PHAF1: variants seen among roughly 807,000 people sequenced by gnomAD.
PHAF1 encodes phagosome assembly factor 1.
A neutral mutation model predicts 63.1 loss-of-function variants in PHAF1; 23 were observed. That is an observed-to-expected ratio of 0.36 (90% confidence interval 0.26 to 0.52). The LOEUF is 0.52. PHAF1 is among the 20% of genes least tolerant of loss of function. The pLI is 0.93. For synonymous variants in PHAF1, 167 were observed against 185.0 expected (o/e 0.90, Z 0.79); for missense variants, 427 against 517.2 (o/e 0.83, Z 1.69).
rs2030044825 is a variant in PHAF1 at position 67,146,179 on chromosome 16, A to G, written c.1110-99A>G. 10 of 1,050,614 alleles carry G rather than the reference A, an allele frequency of 9.5e-6. No homozygotes were observed. The South Asian group carries it at 1.3e-4, about 13-fold the overall frequency. 65.1% of individuals were successfully genotyped at this position (1,050,614 alleles called of 1,614,324 possible). A position where few individuals can be genotyped will look rare whatever the true frequency, so the allele number is the denominator to read the frequency against. ...AGACAGACACTCACAGCCATGAGAG[A>G]CTACTGGCCAGTATCCCATACCCCA... On this transcript the variant is annotated intron_variant, in intron 14 of 15. Transcript: ENST00000219139.
chr16:67,120,037 C>G, intron 1 of PHAF1, 75 bp from the exon 2 acceptor site: 1 of 1,256,276 alleles, frequency 8.0e-7, no homozygotes, highest in South Asian at 1.3e-5. Flanking sequence ...CTGCAGGGAC[C>G]AGTGCCTAGT....
At chr16:67,113,950 G>A (rs1420737125) in intron 1 of PHAF1, among the ~76,000 whole-genome samples, 5 of 151,804 alleles carry the variant, frequency 3.3e-5, no homozygotes, top group African/African-American at 7.3e-5. Context: ...TGATCCTCCC[G>A]TCTCGGCTCC....
rs750308105 is a variant in PHAF1, at chr16:67,117,199, A to ATTTT, written c.65-2893_65-2890dup. On this transcript the variant is annotated intron_variant, in intron 1 of 15. Transcript: ENST00000219139. ...AGGCACACACCACCATGCCCAGCTA[A>ATTTT]TTTTTTTTTTTTTTTTTTTTTTTGT... Among the ~76,000 whole-genome samples, 104 of 111,948 alleles carry ATTTT rather than the reference A, an allele frequency of 9.3e-4. 1 individual carries two copies. Among genetic ancestry groups the ATTTT allele is most frequent in the African/African-American group, 3.9e-3 (97 of 25,112 alleles). 73.4% of individuals were successfully genotyped at this position (111,948 alleles called of 152,430 possible).
chr16:67,124,877 T>C (rs990382490), intron 2 of PHAF1, among the ~76,000 whole-genome samples: 1 of 146,724 alleles, frequency 6.8e-6, no homozygotes, highest in African/African-American at 2.5e-5. Context: ...CACTCCAGCC[T>C]GGGCAACAGA....
At chr16:67,140,702 GA>G (rs1402658742) in intron 10 of PHAF1, 108 bp downstream of exon 10, 3 of 898,660 alleles carry the variant, frequency 3.3e-6, no homozygotes. Flanking sequence ...GGACATTGGG[GA>G]ACCTAGCCCC....
chr16:67,134,368 C>G lies in PHAF1; in HGVS notation c.562C>G (p.Pro188Ala). The G allele has an allele frequency of 1.2e-6, 2 of 1,613,814 alleles. No homozygotes were observed. Among genetic ancestry groups the G allele is most frequent in the Non-Finnish European group, 1.7e-6 (2 of 1,179,706 alleles). Residue 188 changes from proline to alanine, a missense_variant, in exon 8 of 16, where the codon CCT (proline) becomes GCT (alanine). Physicochemically the swap from Pro to Ala is conservative, Grantham distance 27 (BLOSUM62 -1). Coordinates refer to ENST00000219139, the MANE Select transcript of PHAF1 (RefSeq NM_025187.5). ...SLQDTKAPMM[P>A]LSCFLGNVYA... ...GTCTGTCCCCAGGGCTCCCATGATGCCTCTGAGCTGTTTCCTGGGCAATGT... is the reference window on the plus strand; with the variant it reads ...GTCTGTCCCCAGGGCTCCCATGATGGCTCTGAGCTGTTTCCTGGGCAATGT...
intron 14 of PHAF1, 111 bp from the exon 15 acceptor site, chr16:67,146,167 C>A: frequency 1.0e-6 from 1 of 974,308 alleles, no homozygotes; most frequent in Non-Finnish European, 1.7e-6. Context: ...CAGACACTCA[C>A]AGCCATGAGA....
At chr16:67,125,896 C>A in intron 2 of PHAF1, 63 bp from the exon 3 acceptor site, 2 of 1,177,066 alleles carry the variant, frequency 1.7e-6, no homozygotes, top group Non-Finnish European at 2.5e-6. Flanking sequence ...TATTGTAAGG[C>A]TTTCAGTAGG....
chr16:67,145,320 G>T, intron 12 of PHAF1, 56 bp from the exon 13 acceptor site: 1 of 1,596,172 alleles, frequency 6.3e-7, no homozygotes, highest in South Asian at 1.1e-5. Flanking sequence ...CCTAGGGCTG[G>T]GGCCACAGGT....
At chr16:67,143,451 C>T (rs1963880734) in intron 10 of PHAF1, among the ~76,000 whole-genome samples, 1 of 152,138 alleles carries the variant, frequency 6.6e-6, no homozygotes. Context: ...GCCTTGGCCT[C>T]CCAAAGTCCT....
chr16:67,122,297 G>A (rs1963011382), intron 2 of PHAF1, among the ~76,000 whole-genome samples: 1 of 152,138 alleles, frequency 6.6e-6, no homozygotes, highest in Admixed American at 6.5e-5. Flanking sequence ...AATATCTTCT[G>A]AGCAACTTTA....
At chr16:67,118,219 C>T (rs370454397) in intron 1 of PHAF1, among the ~76,000 whole-genome samples, 1 of 149,622 alleles carries the variant, frequency 6.7e-6, no homozygotes, top group African/African-American at 2.5e-5. Flanking sequence ...GTGATCTGCC[C>T]TCCTCGGCCT....
Position 67,147,401 on chromosome 16 carries a change from A to G in PHAF1, c.*270A>G. 1 of 468,536 alleles carries G rather than the reference A, an allele frequency of 2.1e-6. No homozygotes were observed. The highest frequency in any genetic ancestry group is 3.8e-6 in the Non-Finnish European group (1 of 262,038). 29.0% of individuals were successfully genotyped at this position (468,536 alleles called of 1,614,324 possible). A position where few individuals can be genotyped will look rare whatever the true frequency, so the allele number is the denominator to read the frequency against. On this transcript the variant is annotated 3_prime_UTR_variant, in exon 16 of 16. Transcript: ENST00000219139. Reference sequence around the variant, plus strand: ...TTGAGCCTTGATTCCTGGACCCAGGAGCTCTCAACTAACAAGGAGGCAGGA... The same window carrying G: ...TTGAGCCTTGATTCCTGGACCCAGGGGCTCTCAACTAACAAGGAGGCAGGA...
In PHAF1 at chr16:67,145,394, CAG is replaced by C. The variant is rs2029960743; in HGVS notation, c.1027_1028del (p.Glu343AsnfsTer51). 1 of 1,614,076 alleles carries C rather than the reference CAG, an allele frequency of 6.2e-7. No homozygotes were observed. The highest frequency in any genetic ancestry group is 8.5e-7 in the Non-Finnish European group (1 of 1,180,030). On this transcript the variant is annotated frameshift_variant, in exon 13 of 16. Transcript: ENST00000219139. LOFTEE classifies it high-confidence loss of function. ...TTTTCAGAAAACGCAGATGGTCAGA[CAG>C]AAACATGCACGACCTACAGCAAGGT...
chr16:67,134,517 A>G (rs556798418), intron 8 of PHAF1, 50 bp downstream of exon 8: 1 of 1,459,862 alleles, frequency 6.8e-7, no homozygotes. Context: ...ACCCATGTTG[A>G]GACAGTCTAA....
intron 1 of PHAF1, among the ~76,000 whole-genome samples, chr16:67,114,386 G>A (rs1962654438): frequency 1.3e-5 from 2 of 151,548 alleles, no homozygotes; most frequent in South Asian, 4.2e-4. Context: ...ATTCCCTGAA[G>A]AGCTTAGTCT....
chr16:67,110,261 A>T (rs200363425), intron 1 of PHAF1, 22 bp downstream of exon 1: 1 of 1,551,280 alleles, frequency 6.4e-7, no homozygotes, highest in East Asian at 2.4e-5. Context: ...GTCCTCTGTC[A>T]GGACCCCATT....
intron 2 of PHAF1, among the ~76,000 whole-genome samples, chr16:67,125,181 C>G (rs778051078): frequency 6.6e-6 from 1 of 152,116 alleles, no homozygotes. Flanking sequence ...TGAAAGTATT[C>G]CCATGAAGAA....
chr16:67,140,997 A>G (rs982301863), intron 10 of PHAF1, among the ~76,000 whole-genome samples: 1 of 152,248 alleles, frequency 6.6e-6, no homozygotes, highest in African/African-American at 2.4e-5. Flanking sequence ...GGACCACCCC[A>G]GAGGCATTGC....
Sources: gnomAD v4.1 joint callset for allele counts (sites outside exome capture counted in the v4.1 genomes callset) on GRCh38, gnomAD v4.1.1 for gene constraint, MANE v1.5 for transcripts, NCBI Gene and HGNC (gene_info 2026-07-23, HGNC 2026-07-21) for gene names.